The following KCNQ4 variants were observed in gnomAD, a reference collection of about 807,000 sequenced individuals.
KCNQ4 encodes the protein potassium voltage-gated channel subfamily KQT member 4.
KCNQ4 carries 31 observed loss-of-function variants against 72.6 expected under a neutral mutation model. That is an observed-to-expected ratio of 0.43 (90% CI 0.32 to 0.58). The LOEUF is 0.58. Among genes scored for constraint, KCNQ4 ranks in the 20% least tolerant of loss-of-function variants. KCNQ4 has a pLI of 0.08. For missense variants in KCNQ4, 869 were observed against 962.6 expected, an observed-to-expected ratio of 0.90 and a Z score of 1.29; for synonymous variants, 405 against 403.7, an observed-to-expected ratio of 1.00 and a Z score of -0.04.
chr1:40,824,176 G>C lies in KCNQ4; in HGVS notation c.1210G>C (p.Val404Leu). Residue 404 changes from valine to leucine, a missense_variant, in exon 9 of 14, where the codon GTA becomes CTA. Around this residue, in one of 5 missense-constraint regions of KCNQ4, gnomAD observed 480 missense variants for 501.9 expected, o/e 0.96. Coordinates refer to ENST00000347132, the MANE Select transcript of KCNQ4 (RefSeq NM_004700.4). ...LRPLEVRRAP[V>L]PDGAPSRYPP... ...GCCCCTGGAGGTGCGGCGGGCGCCG[G>C]TACCCGACGGAGCACCCTCCCGTTA... 1 of 1,562,864 alleles carries C rather than the reference G, an allele frequency of 6.4e-7. No individual in the cohort carries two copies. The highest frequency in any genetic ancestry group is 8.7e-7 in the Non-Finnish European group (1 of 1,154,772).
At chr1:40,796,378 C>T (rs1009924917) in intron 1 of KCNQ4, among the ~76,000 whole-genome samples, 1 of 152,180 alleles carries the variant, frequency 6.6e-6, no homozygotes, top group Non-Finnish European at 1.5e-5. Context: ...GAGCTTGCCA[C>T]GCCTTCTATC....
intron 11 of KCNQ4, among the ~76,000 whole-genome samples, chr1:40,834,128 G>A (rs902437283): frequency 1.5e-4 from 22 of 150,708 alleles, no homozygotes; most frequent in African/African-American, 5.4e-4. Context: ...TGTGCCCAGT[G>A]TCAAGGACAT....
In KCNQ4 at chr1:40,818,303, G is replaced by T. The variant is rs1248067050; in HGVS notation, c.532+13G>T. 3.7e-6 allele frequency: 6 copies of T among 1,613,350 alleles called. No homozygotes were observed. The highest frequency in any genetic ancestry group is 2.2e-5 in the East Asian group (1 of 44,870). ...TTCTGTGTCATCGGTAATGAGGCGCGCCCCGCCCGACCTGACCCCTGACCC... is the reference window on the plus strand; with the variant it reads ...TTCTGTGTCATCGGTAATGAGGCGCTCCCCGCCCGACCTGACCCCTGACCC... On this transcript the variant is annotated intron_variant, in intron 3 of 13. Coordinates refer to ENST00000347132, the MANE Select transcript of KCNQ4 (RefSeq NM_004700.4).
rs1648212353 is a variant in KCNQ4, at chr1:40,819,421, G to A, written c.783G>A (p.Lys261=). ...CCTTCCTGGTCTACCTGGCTGAGAAGGACGCCAACTCCGACTTCTCCTCCT... is the reference window on the plus strand; with the variant it reads ...CCTTCCTGGTCTACCTGGCTGAGAAAGACGCCAACTCCGACTTCTCCTCCT... ...FASFLVYLAE[K]DANSDFSSYA... Residue 261 remains lysine, a synonymous_variant, in exon 5 of 14, where the codon AAG becomes AAA. Transcript: ENST00000347132. 2.5e-6 allele frequency: 4 copies of A among 1,613,844 alleles called. No individual in the cohort carries two copies.
chr1:40,830,748 C>T (rs1648617935), intron 9 of KCNQ4, among the ~76,000 whole-genome samples: 1 of 152,156 alleles, frequency 6.6e-6, no homozygotes, highest in South Asian at 2.1e-4. Flanking sequence ...GCGCCAGGCC[C>T]AGCTCCCACA....
In KCNQ4 at chr1:40,818,167, T is replaced by A; in HGVS notation, c.409T>A (p.Phe137Ile). The A allele has an allele frequency of 6.2e-7, 1 of 1,613,966 alleles. No homozygotes were observed. The highest frequency in any genetic ancestry group is 8.5e-7 in the Non-Finnish European group (1 of 1,180,008). Residue 137 changes from phenylalanine to isoleucine, a missense_variant, in exon 3 of 14, where the codon TTC becomes ATC. Coordinates refer to ENST00000347132, the MANE Select transcript of KCNQ4 (RefSeq NM_004700.4). ...LANECLLILE[F>I]VMIVVFGLEY... ...ACTCAGGCCCCTGGTCCCACAGGAA[T>A]TCGTGATGATCGTGGTTTTCGGCTT...
chr1:40,823,054 G>A (rs114046146), intron 8 of KCNQ4, among the ~76,000 whole-genome samples: 222 of 152,370 alleles, frequency 1.5e-3, no homozygotes, highest in African/African-American at 5.0e-3. Flanking sequence ...TCGGTCCCAC[G>A]GGCAGGCGGG....
Position 40,818,193 on chromosome 1 carries a change from G to A in KCNQ4, c.435G>A (p.Leu145=). Reference sequence around the variant, plus strand: ...TCGTGATGATCGTGGTTTTCGGCTTGGAGTACATCGTCCGGGTCTGGTCCG... The same window carrying A: ...TCGTGATGATCGTGGTTTTCGGCTTAGAGTACATCGTCCGGGTCTGGTCCG... ...LEFVMIVVFG[L]EYIVRVWSAG... The change falls in exon 3 of 14, where the codon TTG becomes TTA. Residue 145 remains leucine, a synonymous_variant. Coordinates refer to ENST00000347132, the MANE Select transcript of KCNQ4 (RefSeq NM_004700.4). The A allele has an allele frequency of 6.2e-7, 1 of 1,614,056 alleles. No homozygotes were observed. The highest frequency in any genetic ancestry group is 8.5e-7 in the Non-Finnish European group (1 of 1,180,034).
chr1:40,784,188 A>G lies in KCNQ4; in HGVS notation c.95A>G (p.Glu32Gly). 1.8e-6 allele frequency: 2 copies of G among 1,125,674 alleles called. No homozygotes were observed. Among genetic ancestry groups the G allele is most frequent in the South Asian group, 3.0e-5 (1 of 33,516 alleles). 69.7% of individuals were successfully genotyped at this position (1,125,674 alleles called of 1,614,324 possible). The change falls in exon 1 of 14, where the codon GAA becomes GGA. Residue 32 changes from glutamate to glycine, a missense_variant. Glu to Gly is a moderately conservative substitution (Grantham distance 98, BLOSUM62 -2). Coordinates refer to ENST00000347132, the MANE Select transcript of KCNQ4 (RefSeq NM_004700.4). The surrounding 1 kb of genome is among the most constrained non-coding windows in gnomAD (Gnocchi z 4.1). ...GTGGCGCTCACGGCCGTGCAGAGCGAACAGGGCGAGGCGGGCGGGGGCGGC... is the reference window on the plus strand; with the variant it reads ...GTGGCGCTCACGGCCGTGCAGAGCGGACAGGGCGAGGCGGGCGGGGGCGGC... ...ELVALTAVQS[E>G]QGEAGGGGSP...
chr1:40,812,745 A>G (rs1235597237), intron 1 of KCNQ4, among the ~76,000 whole-genome samples: 1 of 152,228 alleles, frequency 6.6e-6, no homozygotes, highest in Admixed American at 6.5e-5. Flanking sequence ...GACATGGGGC[A>G]GCCAGAGGAG....
At chr1:40,823,155 G>A (rs112973430) in intron 8 of KCNQ4, among the ~76,000 whole-genome samples, 9 of 152,310 alleles carry the variant, frequency 5.9e-5, no homozygotes, top group African/African-American at 1.7e-4. Context: ...AAGCTGTTGC[G>A]CGATTCCACT....
At chr1:40,835,290 A>G (rs1463328426) in intron 12 of KCNQ4, among the ~76,000 whole-genome samples, 192 bp downstream of exon 12, 1 of 152,164 alleles carries the variant, frequency 6.6e-6, no homozygotes, top group African/African-American at 2.4e-5. Flanking sequence ...CTGAGAAACA[A>G]CCCAACCATA....
rs946751290 is a variant in KCNQ4 at position 40,784,390 on chromosome 1, C to A, written c.297C>A (p.Phe99Leu). The change falls in exon 1 of 14, where the codon TTC (phenylalanine) becomes TTA (leucine). Residue 99 changes from phenylalanine to leucine, a missense_variant. Coordinates refer to ENST00000347132, the MANE Select transcript of KCNQ4 (RefSeq NM_004700.4). This position sits in a 1 kb window ranked among gnomAD's most constrained non-coding sequence, Gnocchi z 4.1. The part of the protein sequence containing the change: ...NVLERPRGWA[F>L]VYHVFIFLLV... ...TGGAGCGGCCCCGCGGCTGGGCCTT[C>A]GTCTACCACGTCTTCATGTGAGTTT... 1.9e-6 allele frequency: 3 copies of A among 1,609,318 alleles called. No individual in the cohort carries two copies. In the Admixed American group the frequency reaches 5.0e-5, roughly 27 times the overall value.
chr1:40,787,779 G>A lies in KCNQ4; in HGVS notation c.314+3372G>A, dbSNP rs541203068. Among the ~76,000 whole-genome samples the A allele has an allele frequency of 4.3e-4, 65 of 152,220 alleles. 1 individual carries two copies. In the South Asian group the frequency reaches 0.011, roughly 27 times the overall value. On this transcript the variant is annotated intron_variant, in intron 1 of 13. Coordinates refer to ENST00000347132, the MANE Select transcript of KCNQ4 (RefSeq NM_004700.4). ...TCTGAATTTTAAGAAATACCACCTC[G>A]TGGCCCATCCTGCTCGCTGAGCCCT...
At chr1:40,829,464 G>A (rs1339815757) in intron 9 of KCNQ4, among the ~76,000 whole-genome samples, 3 of 152,034 alleles carry the variant, frequency 2.0e-5, no homozygotes, top group Non-Finnish European at 2.9e-5. Context: ...CTCCCCTCTG[G>A]GCAGAGGCCG....
chr1:40,826,768 G>A, intron 9 of KCNQ4: 1 of 428,204 alleles, frequency 2.3e-6, no homozygotes, highest in South Asian at 1.6e-5. Flanking sequence ...GAGGGGACAG[G>A]ATGGGCCAAG....
chr1:40,803,552 GAA>G (rs1386375678), intron 1 of KCNQ4, among the ~76,000 whole-genome samples: 3 of 152,190 alleles, frequency 2.0e-5, no homozygotes, highest in Admixed American at 2.0e-4. Context: ...AGGAAACTAA[GAA>G]GAGTATCTGC....
At position 40,817,236 on chromosome 1, in the gene KCNQ4, TAACCC is replaced by T; in HGVS notation, c.315-28_315-24del. Reference sequence around the variant, plus strand: ...TGGCTGTCCTGTCCCTCCAACAATCTAACCCTCTCCCTCATGTTGTAATTGCAGAT... The same window carrying T: ...TGGCTGTCCTGTCCCTCCAACAATCTTCTCCCTCATGTTGTAATTGCAGAT... On this transcript the variant is annotated intron_variant, in intron 1 of 13. Coordinates refer to ENST00000347132, the MANE Select transcript of KCNQ4 (RefSeq NM_004700.4). The surrounding 1 kb of genome is among the most constrained non-coding windows in gnomAD (Gnocchi z 5.5). 3.8e-6 allele frequency: 6 copies of T among 1,597,606 alleles called. No individual in the cohort carries two copies. The highest frequency in any genetic ancestry group is 1.3e-5 in the African/African-American group (1 of 74,772).
In KCNQ4 at chr1:40,832,439, G is replaced by A. The variant is rs553051911; in HGVS notation, c.1514-575G>A. On this transcript the variant is annotated intron_variant, in intron 10 of 13. Coordinates refer to ENST00000347132, the MANE Select transcript of KCNQ4 (RefSeq NM_004700.4). ...CCCTTCCCTGTCCTGGAAGCTGTCC[G>A]GGCTCTTGCCACTGCTCCTGTGAGG... Among the ~76,000 whole-genome samples the A allele has an allele frequency of 4.6e-5, 7 of 152,284 alleles. No individual in the cohort carries two copies. The East Asian group carries it at 9.7e-4, about 21-fold the overall frequency.
Sources: gnomAD v4.1 joint callset for allele counts (sites outside exome capture counted in the v4.1 genomes callset) on GRCh38, gnomAD v4.1.1 for gene constraint, gnomAD v4.1.1 regional missense constraint, Gnocchi (gnomAD v3.1) non-coding constraint, MANE v1.5 for transcripts, NCBI Gene and HGNC (gene_info 2026-07-23, HGNC 2026-07-21) for gene names.